The following KHDRBS2 variants were observed in gnomAD, a reference collection of about 807,000 sequenced individuals.
KHDRBS2 encodes the protein KH domain-containing, RNA-binding, signal transduction-associated protein 2.
In KHDRBS2, 26 loss-of-function variants were observed where a neutral mutation model predicts 44.3. That is an observed-to-expected ratio of 0.59 (90% CI 0.43 to 0.81). The LOEUF is 0.81. KHDRBS2 is among the 40% of genes least tolerant of loss of function. KHDRBS2 has a pLI of 0.00. For missense variants in KHDRBS2, 476 were observed against 433.1 expected, an observed-to-expected ratio of 1.10 and a Z score of -0.88; for synonymous variants, 194 against 151.1, an observed-to-expected ratio of 1.28 and a Z score of -2.08.
chr6:62,049,310 C>G (rs1442322798), intron 2 of KHDRBS2, among the ~76,000 whole-genome samples: 1 of 151,398 alleles, frequency 6.6e-6, no homozygotes, highest in East Asian at 2.0e-4. Context: ...CAAAACAAAA[C>G]AAAAAAGGAA....
At chr6:61,699,983 T>A (rs1768394883) in intron 7 of KHDRBS2, among the ~76,000 whole-genome samples, 1 of 151,952 alleles carries the variant, frequency 6.6e-6, no homozygotes, top group Non-Finnish European at 1.5e-5. Flanking sequence ...ATACTTGACA[T>A]GATAAAAATG....
chr6:62,043,456 C>A (rs921213667), intron 3 of KHDRBS2, among the ~76,000 whole-genome samples: 1 of 152,008 alleles, frequency 6.6e-6, no homozygotes, highest in Non-Finnish European at 1.5e-5. Context: ...TTCTAGATTT[C>A]TCTAAGAATA....
chr6:62,084,039 T>G (rs1417862100), intron 2 of KHDRBS2, among the ~76,000 whole-genome samples: 1 of 152,160 alleles, frequency 6.6e-6, no homozygotes, highest in Non-Finnish European at 1.5e-5. Context: ...TAACCAGATA[T>G]TTTGTTATTC....
intron 4 of KHDRBS2, among the ~76,000 whole-genome samples, chr6:61,948,660 T>C (rs1764102103): frequency 1.2e-5 from 1 of 85,614 alleles, no homozygotes; most frequent in Non-Finnish European, 2.7e-5. Flanking sequence ...CTCACATTAT[T>C]ATTATTATTA....
At chr6:61,653,166 A>G in the KHDRBS2 span, among the ~76,000 whole-genome samples, 2 of 152,114 alleles carry the variant, frequency 1.3e-5, no homozygotes, top group Non-Finnish European at 2.9e-5. Flanking sequence ...AGGAAGACAA[A>G]CACAGAGAGA....
At chr6:62,235,675 T>C (rs1833592458) in intron 1 of KHDRBS2, among the ~76,000 whole-genome samples, 1 of 152,014 alleles carries the variant, frequency 6.6e-6, no homozygotes, top group African/African-American at 2.4e-5. Context: ...AAGATGAAAA[T>C]AGAAAAACAT....
chr6:61,947,810 T>C (rs1004151457), intron 4 of KHDRBS2, among the ~76,000 whole-genome samples: 1 of 151,790 alleles, frequency 6.6e-6, no homozygotes, highest in African/African-American at 2.4e-5. Flanking sequence ...TATGCCCTCA[T>C]TTCAAAATCT....
At chr6:61,810,043 G>A (rs181895358) in intron 6 of KHDRBS2, among the ~76,000 whole-genome samples, 11 of 152,204 alleles carry the variant, frequency 7.2e-5, no homozygotes. Flanking sequence ...GACTATGACA[G>A]ATAAGATCCA....
intron 2 of KHDRBS2, among the ~76,000 whole-genome samples, chr6:62,155,694 T>C (rs1261833485): frequency 6.6e-6 from 1 of 152,208 alleles, no homozygotes; most frequent in Non-Finnish European, 1.5e-5. Flanking sequence ...ATGAATACTA[T>C]TTATATAATC....
chr6:62,091,403 T>C (rs550376377), intron 2 of KHDRBS2, among the ~76,000 whole-genome samples: 71 of 152,160 alleles, frequency 4.7e-4, no homozygotes, highest in African/African-American at 6.5e-4. Context: ...TCTGAGGTAA[T>C]AGTAATGTGT....
intron 6 of KHDRBS2, among the ~76,000 whole-genome samples, chr6:61,811,974 T>C (rs1250997984): frequency 6.6e-6 from 1 of 152,130 alleles, no homozygotes; most frequent in Admixed American, 6.6e-5. Context: ...ATCTTTTCCA[T>C]TAAAATTATC....
chr6:62,229,299 G>C (rs1204729247), intron 1 of KHDRBS2, among the ~76,000 whole-genome samples: 11 of 152,098 alleles, frequency 7.2e-5, no homozygotes, highest in Non-Finnish European at 1.6e-4. Flanking sequence ...GTATGCCACG[G>C]CTCCTGCGTT....
intron 2 of KHDRBS2, among the ~76,000 whole-genome samples, chr6:62,079,700 G>A (rs1431944448): frequency 6.6e-6 from 1 of 152,012 alleles, no homozygotes; most frequent in Non-Finnish European, 1.5e-5. Flanking sequence ...CACAAACAGA[G>A]TGATATCTAA....
chr6:61,854,889 G>A (rs1795936459), intron 6 of KHDRBS2, among the ~76,000 whole-genome samples: 1 of 152,132 alleles, frequency 6.6e-6, no homozygotes, highest in Admixed American at 6.6e-5. Context: ...TAGTGCAAGA[G>A]ACCTTCTTGA....
In KHDRBS2 at chr6:62,169,162, C is replaced by CATATATGTATATATGTATATATACGTAT. The variant is rs1562991824; in HGVS notation, c.219+8022_219+8023insATACGTATATATACATATATACATATAT. ...ACATATATGTGTGTATATATACGTA[C>CATATATGTATATATGTATATATACGTAT]ACATATATGTATATATGTATATATA... On this transcript the variant is annotated intron_variant, in intron 2 of 8. Coordinates refer to ENST00000281156, the MANE Select transcript of KHDRBS2 (RefSeq NM_152688.4). Among the ~76,000 whole-genome samples the CATATATGTATATATGTATATATACGTAT allele has an allele frequency of 1.4e-3, 187 of 135,216 alleles. 7 individuals carry two copies. The South Asian group carries it at 0.03, about 22-fold the overall frequency. The allele number at this position is 135,216 out of a possible 152,430, so 88.7% of individuals were successfully genotyped here.
chr6:62,225,788 T>A (rs1158140628), intron 1 of KHDRBS2, among the ~76,000 whole-genome samples: 2 of 151,908 alleles, frequency 1.3e-5, no homozygotes, highest in African/African-American at 2.4e-5. Flanking sequence ...ACATGCAGTG[T>A]TTGGTTTTCT....
intron 1 of KHDRBS2, among the ~76,000 whole-genome samples, chr6:62,213,467 G>A (rs1829438230): frequency 6.6e-6 from 1 of 152,028 alleles, no homozygotes; most frequent in African/African-American, 2.4e-5. Context: ...AACGAAAATC[G>A]GAAAAGTGAA....
At chr6:61,866,383 C>T (rs374499676) in intron 6 of KHDRBS2, among the ~76,000 whole-genome samples, 153 of 152,318 alleles carry the variant, frequency 1.0e-3, no homozygotes, top group African/African-American at 2.5e-3. Flanking sequence ...AGCTCTATGT[C>T]GGCCCCTTTC....
chr6:61,945,139 A>ATATG (rs1562490857), intron 4 of KHDRBS2, among the ~76,000 whole-genome samples: 2 of 108,436 alleles, frequency 1.8e-5, no homozygotes, highest in Non-Finnish European at 3.9e-5. Flanking sequence ...ATATATATAT[A>ATATG]TATATATATA....
Sources: gnomAD v4.1 joint callset for allele counts (sites outside exome capture counted in the v4.1 genomes callset) on GRCh38, gnomAD v4.1.1 for gene constraint, MANE v1.5 for transcripts, NCBI Gene and HGNC (gene_info 2026-07-23, HGNC 2026-07-21) for gene names.